Variants in LRRC17 observed in about 807,000 individuals in gnomAD.
The protein encoded by LRRC17 is leucine rich repeat containing 17.
A neutral mutation model predicts 41.5 loss-of-function variants in LRRC17; 33 were observed. That is an observed-to-expected ratio of 0.80 (90% CI 0.60 to 1.06). The LOEUF (loss-of-function observed/expected upper bound fraction) is 1.06, where lower values mean the gene tolerates loss of function less well. LRRC17 is among the 50% of genes least tolerant of loss of function. LRRC17 has a pLI of 0.00. For synonymous variants in LRRC17, 192 were observed against 197.0 expected, an observed-to-expected ratio of 0.97 and a Z score of 0.21; for missense variants, 491 against 519.3, an observed-to-expected ratio of 0.95 and a Z score of 0.53.
Position 102,933,988 on chromosome 7 carries a change from T to C in LRRC17, c.75T>C (p.Ser25=), listed in dbSNP as rs1404408609. 1.9e-6 allele frequency: 3 copies of C among 1,613,976 alleles called. No individual in the cohort carries two copies. The highest frequency in any genetic ancestry group is 2.2e-5 in the East Asian group (1 of 44,888). Residue 25 remains serine (S), a synonymous_variant, in exon 2 of 4, where the codon AGT becomes AGC. Coordinates refer to ENST00000339431, the MANE Select transcript of LRRC17 (RefSeq NM_001031692.3). ...AAELRKASPG[S]VRSRVNHGRA... ...AGCTGCGCAAAGCAAGCCCAGGCAG[T>C]GTGAGAAGCCGAGTGAATCATGGCC... is the stretch of plus-strand genomic sequence containing the variant.
At chr7:102,920,415 A>G (rs1010653946) in intron 1 of LRRC17, among the ~76,000 whole-genome samples, 8 of 152,112 alleles carry the variant, frequency 5.3e-5, no homozygotes, top group Admixed American at 6.5e-5. Flanking sequence ...TCACAGCACA[A>G]TCATGACTCA....
intron 1 of LRRC17, among the ~76,000 whole-genome samples, chr7:102,923,690 G>A (rs974507242): frequency 3.9e-5 from 6 of 152,048 alleles, no homozygotes; most frequent in Admixed American, 2.6e-4. Flanking sequence ...CAGGCGTGGT[G>A]GCGGGCGCCT....
At position 102,934,254 on chromosome 7, in the gene LRRC17, A is replaced by G. The variant is rs1819819763; in HGVS notation, c.341A>G (p.Gln114Arg). 1.9e-6 allele frequency: 3 copies of G among 1,614,132 alleles called. No individual in the cohort carries two copies. The Admixed American group carries it at 5.0e-5, about 27-fold the overall frequency. ...FKKLKSLDLQQNEISKIESEA... is the reference protein window; with the variant it reads ...FKKLKSLDLQRNEISKIESEA... ...AAGCTGAAAAGCCTGGATCTGCAGC[A>G]GAATGAGATCTCTAAAATTGAGAGT... Residue 114 changes from glutamine (Q) to arginine (R), a missense_variant, in exon 2 of 4, where the codon CAG becomes CGG. Physicochemically the swap from Gln to Arg is conservative, Grantham distance 43 (BLOSUM62 1). Coordinates refer to ENST00000339431, the MANE Select transcript of LRRC17 (RefSeq NM_001031692.3).
intron 2 of LRRC17, among the ~76,000 whole-genome samples, chr7:102,937,345 C>CAAAA (rs373845836): frequency 7.0e-6 from 1 of 143,740 alleles, no homozygotes; most frequent in Non-Finnish European, 1.5e-5. Context: ...ACTAAAAATA[C>CAAAA]AAAAAAAAAA....
chr7:102,937,827 T>C (rs1045939829), intron 2 of LRRC17, among the ~76,000 whole-genome samples: 1 of 152,178 alleles, frequency 6.6e-6, no homozygotes, highest in African/African-American at 2.4e-5. Flanking sequence ...AATTGAAGTG[T>C]GACAACCTGA....
chr7:102,929,175 T>C (rs1447148126), intron 1 of LRRC17, among the ~76,000 whole-genome samples: 1 of 152,206 alleles, frequency 6.6e-6, no homozygotes, highest in Non-Finnish European at 1.5e-5. Flanking sequence ...TATTTGTGTA[T>C]AATGCCTTCC....
At chr7:102,932,035 C>CA (rs1819280734) in intron 1 of LRRC17, 5 of 1,125,864 alleles carry the variant, frequency 4.4e-6, no homozygotes, top group Non-Finnish European at 5.1e-6. Flanking sequence ...AGAAAACAAA[C>CA]AAAAACCTTG....
rs1252936369 is a variant in LRRC17, at chr7:102,944,632, T to G, written c.*25T>G. 1.9e-6 allele frequency: 3 copies of G among 1,552,406 alleles called. No individual in the cohort carries two copies. The highest frequency in any genetic ancestry group is 2.6e-6 in the Non-Finnish European group (3 of 1,154,344). ...AGGTAGAAATTGTTCTGATTGTAAT[T>G]AGTTTTGTATTTTCTATACTGGTGT... On this transcript the variant is annotated 3_prime_UTR_variant, in exon 4 of 4. Coordinates refer to ENST00000339431, the MANE Select transcript of LRRC17 (RefSeq NM_001031692.3).
At position 102,933,893 on chromosome 7, in the gene LRRC17, T is replaced by C. The variant is rs1394039054; in HGVS notation, c.-21T>C. The stretch of plus-strand genomic sequence containing the variant: ...TGTTCCGTCTGTAACACGAAGTAAT[T>C]GGGGCCAGCTGGATGTCAGGATGCG... On this transcript the variant is annotated 5_prime_UTR_variant, in exon 2 of 4. Transcript: ENST00000339431. 6 of 1,573,902 alleles carry C rather than the reference T, an allele frequency of 3.8e-6. No individual in the cohort carries two copies. Among genetic ancestry groups the C allele is most frequent in the Admixed American group, 1.8e-5 (1 of 54,496 alleles).
intron 1 of LRRC17, among the ~76,000 whole-genome samples, chr7:102,930,487 A>G (rs1818961408): frequency 6.6e-6 from 1 of 152,160 alleles, no homozygotes; most frequent in African/African-American, 2.4e-5. Flanking sequence ...CCACTTCACA[A>G]TTCATTGCAA....
At chr7:102,918,458 C>A (rs1468590274) in intron 1 of LRRC17, among the ~76,000 whole-genome samples, 1 of 152,124 alleles carries the variant, frequency 6.6e-6, no homozygotes, top group East Asian at 1.9e-4. Context: ...GAAAAAAAGC[C>A]ATTTCAATGT....
intron 1 of LRRC17, chr7:102,933,553 G>A (rs1049430316): frequency 6.2e-6 from 1 of 161,466 alleles, no homozygotes; most frequent in African/African-American, 2.4e-5. Flanking sequence ...TGCTGAAGAT[G>A]ACCCAGGTTG....
intron 3 of LRRC17, among the ~76,000 whole-genome samples, chr7:102,940,303 AG>A (rs1821165786): frequency 6.9e-6 from 1 of 145,504 alleles, no homozygotes; most frequent in South Asian, 2.2e-4. Context: ...TCCGCCTCCC[AG>A]GTTCACGCCA....
chr7:102,939,302 C>A (rs1820931354), intron 2 of LRRC17, 128 bp from the exon 3 acceptor site: 1 of 725,034 alleles, frequency 1.4e-6, no homozygotes, highest in Middle Eastern at 4.1e-4. Flanking sequence ...TACTAACTTT[C>A]TTTGGCTTTA....
At position 102,931,767 on chromosome 7, in the gene LRRC17, T is replaced by A. The variant is rs970804927; in HGVS notation, c.-140-2007T>A. ...CTTGTCAATGTTTAACATAGTTTGC[T>A]CTTTTCCACATTGAATCCCAAATAA... On this transcript the variant is annotated intron_variant, in intron 1 of 3. Coordinates refer to ENST00000339431, the MANE Select transcript of LRRC17 (RefSeq NM_001031692.3). The A allele has an allele frequency of 1.1e-4, 99 of 934,200 alleles. No homozygotes were observed. In the Middle Eastern group the frequency reaches 5.1e-3, roughly 48 times the overall value. The allele number at this position is 934,200 out of a possible 1,614,324, so 57.9% of individuals were successfully genotyped here.
chr7:102,925,167 G>A (rs1163483383), intron 1 of LRRC17, among the ~76,000 whole-genome samples: 2 of 152,144 alleles, frequency 1.3e-5, no homozygotes, highest in Non-Finnish European at 2.9e-5. Flanking sequence ...GCCCAAGTGG[G>A]CAGATCATTT....
At chr7:102,925,979 G>C (rs946501934) in intron 1 of LRRC17, among the ~76,000 whole-genome samples, 1 of 150,192 alleles carries the variant, frequency 6.7e-6, no homozygotes, top group Non-Finnish European at 1.5e-5. Context: ...CACCAGACTG[G>C]AATGTAAGGG....
intron 3 of LRRC17, among the ~76,000 whole-genome samples, chr7:102,943,472 G>A (rs1821860832): frequency 6.6e-6 from 1 of 152,102 alleles, no homozygotes; most frequent in African/African-American, 2.4e-5. Context: ...CATTTACAGT[G>A]AAGAAATATA....
intron 2 of LRRC17, among the ~76,000 whole-genome samples, chr7:102,938,689 C>A (rs952066455): frequency 6.6e-6 from 1 of 152,168 alleles, no homozygotes; most frequent in African/African-American, 2.4e-5. Context: ...TATTTATATA[C>A]TCTTTATCAA....
Sources: gnomAD v4.1 joint callset for allele counts (sites outside exome capture counted in the v4.1 genomes callset) on GRCh38, gnomAD v4.1.1 for gene constraint, MANE v1.5 for transcripts, NCBI Gene and HGNC (gene_info 2026-07-23, HGNC 2026-07-21) for gene names.